SVEP1: variants seen among roughly 807,000 people sequenced by gnomAD.
SVEP1 encodes the protein sushi, von Willebrand factor type A, EGF and pentraxin domain containing 1.
SVEP1 carries 164 observed loss-of-function variants against 367.3 expected under a neutral mutation model. That is an observed-to-expected ratio of 0.45 (90% CI 0.39 to 0.51). The LOEUF is 0.51. Among genes scored for constraint, SVEP1 ranks in the 20% least tolerant of loss-of-function variants. The pLI is 0.00. For synonymous variants in SVEP1, 1,666 were observed against 1,611.6 expected, an observed-to-expected ratio of 1.03 and a Z score of -0.81; for missense variants, 4,117 against 4,425.3, an observed-to-expected ratio of 0.93 and a Z score of 1.98.
Position 110,459,103 on chromosome 9 carries a change from T to C in SVEP1, c.3333A>G (p.Pro1111=), listed in dbSNP as rs1828819145. ...VNISACGVPC[P]EGKFSRSGLM... Reference sequence around the variant, plus strand: ...ACCCAGAACGCGAGAATTTTCCTTCTGGACAAGGAACTGCAGAGGTAAAAA... The same window carrying C: ...ACCCAGAACGCGAGAATTTTCCTTCCGGACAAGGAACTGCAGAGGTAAAAA... Residue 1111 remains proline, a synonymous_variant, in exon 19 of 48, where the codon CCA becomes CCG. Coordinates refer to ENST00000374469, the MANE Select transcript of SVEP1 (RefSeq NM_153366.4). The C allele has an allele frequency of 6.2e-7, 1 of 1,613,654 alleles. No individual in the cohort carries two copies. Among genetic ancestry groups the C allele is most frequent in the Non-Finnish European group, 8.5e-7 (1 of 1,179,654 alleles).
chr9:110,410,539 C>T (rs1828029070), intron 37 of SVEP1, among the ~76,000 whole-genome samples: 1 of 152,114 alleles, frequency 6.6e-6, no homozygotes, highest in South Asian at 2.1e-4. Flanking sequence ...CTCTGTAAAA[C>T]AAAATATTAT....
At chr9:110,445,713 T>G in intron 26 of SVEP1, 124 bp downstream of exon 26, 2 of 1,014,324 alleles carry the variant, frequency 2.0e-6, no homozygotes, top group Middle Eastern at 2.2e-4. Flanking sequence ...ATTTGATTAT[T>G]GACACCCTGC....
intron 5 of SVEP1, among the ~76,000 whole-genome samples, chr9:110,508,780 A>AAG (rs1554720210): frequency 1.4e-5 from 2 of 143,520 alleles, no homozygotes; most frequent in Non-Finnish European, 3.0e-5. Context: ...AAAAAAAAAA[A>AAG]AAAGAAAGAA....
At chr9:110,401,631 C>A (rs544198988) in intron 39 of SVEP1, among the ~76,000 whole-genome samples, 69 of 149,710 alleles carry the variant, frequency 4.6e-4, no homozygotes, top group Non-Finnish European at 8.2e-4. Flanking sequence ...TAAAAATAAC[C>A]AAAATAAATT....
chr9:110,491,121 T>A (rs555687374), intron 8 of SVEP1, among the ~76,000 whole-genome samples: 24 of 152,046 alleles, frequency 1.6e-4, no homozygotes, highest in African/African-American at 5.8e-4. Context: ...TTATGATATT[T>A]TAAAATCCAT....
At chr9:110,462,445 A>G (rs1232690197) in intron 18 of SVEP1, among the ~76,000 whole-genome samples, 3 of 151,730 alleles carry the variant, frequency 2.0e-5, no homozygotes, top group Non-Finnish European at 2.9e-5. Context: ...AGCATTTAAT[A>G]GAGTATTTAT....
chr9:110,437,040 G>A (rs2118572449), intron 27 of SVEP1, among the ~76,000 whole-genome samples: 1 of 152,176 alleles, frequency 6.6e-6, no homozygotes, highest in African/African-American at 2.4e-5. Flanking sequence ...TGGGTGTGCT[G>A]GACAGTCTGT....
At chr9:110,548,279 T>G (rs185699513) in intron 2 of SVEP1, among the ~76,000 whole-genome samples, 6 of 152,266 alleles carry the variant, frequency 3.9e-5, no homozygotes, top group Non-Finnish European at 8.8e-5. Context: ...ATAGTTTCCA[T>G]TTTTAAAGGA....
chr9:110,545,234 G>A (rs1331656903), intron 3 of SVEP1, among the ~76,000 whole-genome samples: 4 of 152,188 alleles, frequency 2.6e-5, no homozygotes, highest in African/African-American at 9.7e-5. Flanking sequence ...ACATGCATAT[G>A]CAAATATCTC....
chr9:110,481,845 T>C (rs927293622), intron 11 of SVEP1, among the ~76,000 whole-genome samples: 6 of 152,118 alleles, frequency 3.9e-5, no homozygotes, highest in Admixed American at 3.3e-4. Flanking sequence ...CCTGAGTAGC[T>C]GGGACCACAG....
intron 3 of SVEP1, among the ~76,000 whole-genome samples, chr9:110,520,542 C>T (rs73534507): frequency 0.086 from 13,146 of 152,110 alleles, 627 homozygotes; most frequent in African/African-American, 0.11. Context: ...TCACGTTGTA[C>T]TAACATTAGA....
chr9:110,431,801 G>T, intron 32 of SVEP1, 114 bp downstream of exon 32: 1 of 1,353,126 alleles, frequency 7.4e-7, no homozygotes, highest in Non-Finnish European at 1.0e-6. Flanking sequence ...CTGCCTACCT[G>T]TATGCCCTTT....
At chr9:110,412,059 T>A (rs953508331) in intron 36 of SVEP1, among the ~76,000 whole-genome samples, 1 of 152,182 alleles carries the variant, frequency 6.6e-6, no homozygotes, top group African/African-American at 2.4e-5. Context: ...ATATTAATAT[T>A]TGCTCAGAAA....
At chr9:110,434,014 C>G (rs761163233) in intron 30 of SVEP1, among the ~76,000 whole-genome samples, 2 of 152,146 alleles carry the variant, frequency 1.3e-5, no homozygotes, top group Admixed American at 1.3e-4. Flanking sequence ...AATGAATGCA[C>G]TCGACTGAAG....
chr9:110,409,632 C>T (rs985610599), intron 37 of SVEP1, among the ~76,000 whole-genome samples: 9 of 152,060 alleles, frequency 5.9e-5, no homozygotes, highest in African/African-American at 2.2e-4. Flanking sequence ...AGCACATAAA[C>T]AATTAACATG....
chr9:110,407,194 G>T lies in SVEP1; in HGVS notation c.8406C>A (p.Asp2802Glu), dbSNP rs1248256512. Residue 2802 changes from aspartate to glutamate, a missense_variant, in exon 38 of 48, where the codon GAC (aspartate) becomes GAA (glutamate). Around this residue, in one of 4 missense-constraint regions of SVEP1, gnomAD observed 1,765 missense variants for 1,781.1 expected, o/e 0.99. Transcript: ENST00000374469. Reference protein sequence around the residue: ...TYLSTLYYECDPGYVLNGTER... With the variant: ...TYLSTLYYECEPGYVLNGTER... The stretch of plus-strand genomic sequence containing the variant: ...CAGTGCCATTCAGCACATATCCGGG[G>T]TCACACTCATAGTACAACGTGCTCA... 3 of 1,613,970 alleles carry T rather than the reference G, an allele frequency of 1.9e-6. No individual in the cohort carries two copies. Among genetic ancestry groups the T allele is most frequent in the Non-Finnish European group, 2.5e-6 (3 of 1,179,898 alleles).
rs1827588506 is a variant in SVEP1, at chr9:110,389,405, G to A, written c.9886+119C>T. Reference sequence around the variant, plus strand: ...AAAGCCCATTAAAAGGTTCTCATATGGCTTATGGAGTTGGCTTACATTTTA... The same window carrying A: ...AAAGCCCATTAAAAGGTTCTCATATAGCTTATGGAGTTGGCTTACATTTTA... On this transcript the variant is annotated intron_variant, in intron 41 of 47. Coordinates refer to ENST00000374469, the MANE Select transcript of SVEP1 (RefSeq NM_153366.4). 8.3e-6 allele frequency: 10 copies of A among 1,204,958 alleles called. No individual in the cohort carries two copies. In the South Asian group the frequency reaches 1.3e-4, roughly 16 times the overall value. The allele number at this position is 1,204,958 out of a possible 1,614,324, so 74.6% of individuals were successfully genotyped here.
At chr9:110,390,123 ATACT>A (rs1827614770) in intron 40 of SVEP1, among the ~76,000 whole-genome samples, 1 of 115,100 alleles carries the variant, frequency 8.7e-6, no homozygotes, top group African/African-American at 2.7e-5. Context: ...ATATACATAC[ATACT>A]TATATAAGTA....
intron 36 of SVEP1, among the ~76,000 whole-genome samples, chr9:110,416,927 T>C (rs1828129804): frequency 6.6e-6 from 1 of 152,054 alleles, no homozygotes; most frequent in Non-Finnish European, 1.5e-5. Context: ...TAGTAGCATC[T>C]TCCCCCCAGT....
Sources: allele counts gnomAD v4.1 joint callset (sites outside exome capture counted in the v4.1 genomes callset), GRCh38; gene constraint gnomAD v4.1.1; regional missense constraint gnomAD v4.1.1; transcripts MANE v1.5; gene names NCBI Gene and HGNC (gene_info 2026-07-23, HGNC 2026-07-21).